Variants in HOOK1 observed in about 807,000 individuals in gnomAD.
The protein encoded by HOOK1 is protein Hook homolog 1.
A neutral mutation model predicts 112.8 loss-of-function variants in HOOK1; 60 were observed. The ratio of observed to expected loss-of-function variants is 0.53; its 90% CI spans 0.43 to 0.66. The LOEUF (loss-of-function observed/expected upper bound fraction) is 0.66, where lower values mean the gene tolerates loss of function less well. Ranked by LOEUF, HOOK1 falls within the 30% of genes least tolerant of loss-of-function variation. HOOK1 has a pLI of 0.00. For synonymous variants in HOOK1, 294 were observed against 283.8 expected, an observed-to-expected ratio of 1.04 and a Z score of -0.36; for missense variants, 770 against 856.0, an observed-to-expected ratio of 0.90 and a Z score of 1.25.
At chr1:59,822,520 G>A (rs2098386390) in intron 2 of HOOK1, among the ~76,000 whole-genome samples, 1 of 152,164 alleles carries the variant, frequency 6.6e-6, no homozygotes, top group Admixed American at 6.5e-5. Flanking sequence ...CCCATTTTAT[G>A]TAATCATATA....
chr1:59,849,948 A>G (rs1449773078), intron 12 of HOOK1, among the ~76,000 whole-genome samples: 1 of 151,496 alleles, frequency 6.6e-6, no homozygotes, highest in African/African-American at 2.4e-5. Flanking sequence ...TTATTTAGAT[A>G]TGTTTTCATT....
At chr1:59,833,250 C>T (rs2098395291) in intron 4 of HOOK1, among the ~76,000 whole-genome samples, 155 bp from the exon 5 acceptor site, 1 of 152,120 alleles carries the variant, frequency 6.6e-6, no homozygotes, top group Non-Finnish European at 1.5e-5. Context: ...GTTGCCTGAA[C>T]ATTGCTAACT....
rs1247136048 is a variant in HOOK1 at position 59,872,992 on chromosome 1, A to G, written c.*27A>G. 7.7e-6 allele frequency: 11 copies of G among 1,425,202 alleles called. No individual in the cohort carries two copies. The highest frequency in any genetic ancestry group is 1.0e-5 in the Non-Finnish European group (11 of 1,073,552). 88.3% of individuals were successfully genotyped at this position (1,425,202 alleles called of 1,614,324 possible). On this transcript the variant is annotated 3_prime_UTR_variant, in exon 22 of 22. Transcript: ENST00000371208. Reference sequence around the variant, plus strand: ...CTGCAAAAAAAACAAAACAAAACAAAAAAACCACATAAAATAGAAGTGTCC... The same window carrying G: ...CTGCAAAAAAAACAAAACAAAACAAGAAAACCACATAAAATAGAAGTGTCC...
In HOOK1 at chr1:59,860,348, C is replaced by A; in HGVS notation, c.1532+20C>A. On this transcript the variant is annotated intron_variant, in intron 15 of 21. Transcript: ENST00000371208. ...GCAGAGGTGATATGCTCCTTAGTAA[C>A]TGAAAATCTTGGTGATTTTATTACC... 6.6e-7 allele frequency: 1 copy of A among 1,523,446 alleles called. No individual in the cohort carries two copies. Among genetic ancestry groups the A allele is most frequent in the South Asian group, 1.3e-5 (1 of 76,066 alleles). The allele number at this position is 1,523,446 out of a possible 1,614,324, so 94.4% of individuals were successfully genotyped here. A position where few individuals can be genotyped will look rare whatever the true frequency, so the allele number is the denominator to read the frequency against.
At chr1:59,841,666 A>G (rs998888355) in intron 8 of HOOK1, among the ~76,000 whole-genome samples, 2 of 152,138 alleles carry the variant, frequency 1.3e-5, no homozygotes, top group Non-Finnish European at 2.9e-5. Context: ...TTCACCCTGT[A>G]AAATACCTTG....
At chr1:59,849,026 A>C (rs1434802713) in intron 11 of HOOK1, 47 bp from the exon 12 acceptor site, 16 of 1,090,322 alleles carry the variant, frequency 1.5e-5, no homozygotes, top group Non-Finnish European at 1.9e-5. Flanking sequence ...AGATTTATAC[A>C]CTTATATACT....
chr1:59,827,513 C>A (rs1255288266), intron 2 of HOOK1, among the ~76,000 whole-genome samples: 2 of 152,166 alleles, frequency 1.3e-5, no homozygotes, highest in East Asian at 1.9e-4. Flanking sequence ...TTCATTCAGT[C>A]ATTTCAAGTA....
chr1:59,848,178 T>G, intron 10 of HOOK1, 137 bp from the exon 11 acceptor site: 1 of 613,624 alleles, frequency 1.6e-6, no homozygotes, highest in South Asian at 2.5e-5. Context: ...AGTTTACAAT[T>G]TCCTCTTCTC....
intron 21 of HOOK1, among the ~76,000 whole-genome samples, chr1:59,872,213 A>G (rs1405767465): frequency 6.6e-6 from 1 of 152,258 alleles, no homozygotes; most frequent in Non-Finnish European, 1.5e-5. Context: ...GAAACTCAAC[A>G]GCCAAAATAT....
At chr1:59,839,096 T>G (rs907198635) in intron 7 of HOOK1, among the ~76,000 whole-genome samples, 10 of 152,212 alleles carry the variant, frequency 6.6e-5, no homozygotes, top group African/African-American at 2.4e-4. Flanking sequence ...TTTTTGTTAC[T>G]GTAGCCTTGT....
chr1:59,836,326 AT>A (rs1179331392), intron 6 of HOOK1, among the ~76,000 whole-genome samples: 3 of 152,178 alleles, frequency 2.0e-5, no homozygotes, highest in Non-Finnish European at 4.4e-5. Context: ...TGGAAGGGGC[AT>A]GACTTAGAGG....
intron 20 of HOOK1, among the ~76,000 whole-genome samples, chr1:59,870,314 A>G (rs546608236): frequency 1.5e-4 from 23 of 152,346 alleles, no homozygotes; most frequent in African/African-American, 5.5e-4. Context: ...CTAGACACAC[A>G]CTGCAAAAAG....
Position 59,855,957 on chromosome 1 carries a change from T to TAAAAA in HOOK1, c.1243-2470_1243-2469insAAAAA, listed in dbSNP as rs1418665294. ...CCCAGCTAATTTATATATATATATA[T>TAAAAA]ATAAATTATTATATATATATATATA... On this transcript the variant is annotated intron_variant, in intron 12 of 21. Transcript: ENST00000371208. 2.6e-4 allele frequency among the ~76,000 whole-genome samples: 27 copies of TAAAAA among 104,460 alleles called. 2 individuals carry two copies. The East Asian group carries it at 5.9e-3, about 23-fold the overall frequency. 68.5% of individuals were successfully genotyped at this position (104,460 alleles called of 152,430 possible). A position where few individuals can be genotyped will look rare whatever the true frequency, so the allele number is the denominator to read the frequency against.
intron 1 of HOOK1, among the ~76,000 whole-genome samples, chr1:59,815,787 G>A (rs1236288254): frequency 3.3e-5 from 5 of 151,734 alleles, no homozygotes; most frequent in African/African-American, 1.2e-4. Flanking sequence ...GGAGTCGGGG[G>A]TCGTTTTCCC....
chr1:59,823,085 C>T (rs2098386849), intron 2 of HOOK1, among the ~76,000 whole-genome samples: 1 of 152,178 alleles, frequency 6.6e-6, no homozygotes, highest in Non-Finnish European at 1.5e-5. Context: ...CTTCGGGAGG[C>T]CGAGGAGGGC....
chr1:59,854,001 AAT>A (rs71046347), intron 12 of HOOK1, among the ~76,000 whole-genome samples: 2,993 of 25,596 alleles, frequency 0.12, 161 homozygotes, highest in Non-Finnish European at 0.13. Flanking sequence ...ATTAATCTTA[AAT>A]ATATATATAT....
Position 59,868,309 on chromosome 1 carries a change from A to G in HOOK1, c.1905A>G (p.Arg635=). 6.2e-7 allele frequency: 1 copy of G among 1,611,434 alleles called. No homozygotes were observed. Among genetic ancestry groups the G allele is most frequent in the Non-Finnish European group, 8.5e-7 (1 of 1,178,192 alleles). ...NPASAEIMLL[R]KQLAEKERRI... ...CATCAGCTGAAATAATGCTACTAAGAAAGCAGTTGGCAGAGAAAGAGAGAA... is the reference window on the plus strand; with the variant it reads ...CATCAGCTGAAATAATGCTACTAAGGAAGCAGTTGGCAGAGAAAGAGAGAA... The change falls in exon 20 of 22, where the codon AGA becomes AGG. Residue 635 remains arginine (R), a synonymous_variant. Transcript: ENST00000371208.
intron 12 of HOOK1, among the ~76,000 whole-genome samples, chr1:59,854,947 C>T (rs916530639): frequency 2.0e-5 from 3 of 152,060 alleles, no homozygotes; most frequent in Admixed American, 2.0e-4. Flanking sequence ...CATGGTAAAA[C>T]AACGACAACA....
intron 12 of HOOK1, among the ~76,000 whole-genome samples, chr1:59,856,599 G>A (rs1423755993): frequency 2.0e-5 from 3 of 151,706 alleles, no homozygotes; most frequent in Non-Finnish European, 4.4e-5. Flanking sequence ...CATTCTTAGG[G>A]TTTATTGTTG....
Sources: allele counts gnomAD v4.1 joint callset (sites outside exome capture counted in the v4.1 genomes callset), GRCh38; gene constraint gnomAD v4.1.1; transcripts MANE v1.5; gene names NCBI Gene and HGNC (gene_info 2026-07-23, HGNC 2026-07-21).